Variants in SAMD5 observed in about 807,000 individuals in gnomAD.
The protein encoded by SAMD5 is sterile alpha motif domain-containing protein 5.
A neutral mutation model predicts 11.3 loss-of-function variants in SAMD5; 13 were observed. That is an observed-to-expected ratio of 1.15 (90% confidence interval 0.75 to 1.83). The LOEUF (loss-of-function observed/expected upper bound fraction) is 1.83, where lower values mean the gene tolerates loss of function less well. Among genes scored for constraint, SAMD5 ranks in the 40% most tolerant of loss-of-function variants. The pLI, the probability that SAMD5 is intolerant of heterozygous loss-of-function variation, is 0.00. For missense variants in SAMD5, 255 were observed against 239.1 expected (o/e 1.07, Z -0.44); for synonymous variants, 129 against 111.3 (o/e 1.16, Z -1.00).
chr6:147,831,173 A>G, the SAMD5 span, among the ~76,000 whole-genome samples: 1 of 152,226 alleles, frequency 6.6e-6, no homozygotes, highest in Non-Finnish European at 1.5e-5. Context: ...GGTGAATGCA[A>G]ATTGTTTTTA....
At chr6:147,898,264 T>C in the SAMD5 span, among the ~76,000 whole-genome samples, 3 of 152,070 alleles carry the variant, frequency 2.0e-5, no homozygotes, top group African/African-American at 4.8e-5. Flanking sequence ...ATGCATCTAC[T>C]CCCTTTAAAA....
intron 1 of SAMD5, among the ~76,000 whole-genome samples, chr6:147,642,909 C>G (rs844583): frequency 0.061 from 9,308 of 152,272 alleles, 415 homozygotes; most frequent in African/African-American, 0.13. Context: ...TGGCTGCCAT[C>G]TGCACTGTTG....
In SAMD5 at chr6:147,566,215, A is replaced by C; in HGVS notation, c.*1759A>C. 2.0e-6 allele frequency: 2 copies of C among 976,664 alleles called. No homozygotes were observed. Among genetic ancestry groups the C allele is most frequent in the Non-Finnish European group, 2.4e-6 (2 of 821,948 alleles). The allele number at this position is 976,664 out of a possible 1,614,324, so 60.5% of individuals were successfully genotyped here. ...TGTAAGGAAGTTAAATTTTAAAAGC[A>C]TGTATAGGTTGTCCTTAAATTATAC... On this transcript the variant is annotated 3_prime_UTR_variant, in exon 2 of 2. Transcript: ENST00000367474.
chr6:147,555,436 T>C (rs1788839925), intron 1 of SAMD5, among the ~76,000 whole-genome samples: 1 of 152,254 alleles, frequency 6.6e-6, no homozygotes, highest in Admixed American at 6.5e-5. Flanking sequence ...CTGTTGCTAA[T>C]GATGAAATTT....
chr6:147,581,763 GA>G (rs1562326122), intron 1 of SAMD5, among the ~76,000 whole-genome samples: 1 of 152,162 alleles, frequency 6.6e-6, no homozygotes, highest in Admixed American at 6.5e-5. Context: ...GGAAGGTGAG[GA>G]AACAAAGATA....
the SAMD5 span, among the ~76,000 whole-genome samples, chr6:147,779,698 A>G: frequency 6.6e-6 from 1 of 152,202 alleles, no homozygotes; most frequent in Non-Finnish European, 1.5e-5. Context: ...CAAGACAATT[A>G]CACTATCTCT....
At chr6:147,912,375 T>C in the SAMD5 span, among the ~76,000 whole-genome samples, 1 of 152,194 alleles carries the variant, frequency 6.6e-6, no homozygotes, top group African/African-American at 2.4e-5. Context: ...GTCCCCTCAA[T>C]TTATAAATGA....
chr6:147,640,354 G>C (rs887140822), intron 1 of SAMD5, among the ~76,000 whole-genome samples: 3 of 150,804 alleles, frequency 2.0e-5, no homozygotes, highest in Non-Finnish European at 4.4e-5. Context: ...AAAAATTGCC[G>C]GGTGTGGTGG....
intron 1 of SAMD5, among the ~76,000 whole-genome samples, chr6:147,645,171 T>A (rs1790379422): frequency 6.6e-6 from 1 of 152,126 alleles, no homozygotes; most frequent in Non-Finnish European, 1.5e-5. Context: ...CGACAGGACA[T>A]CTTACTGATT....
At chr6:147,654,855 A>G (rs1159002161) in intron 1 of SAMD5, among the ~76,000 whole-genome samples, 2 of 151,984 alleles carry the variant, frequency 1.3e-5, no homozygotes, top group Admixed American at 6.6e-5. Flanking sequence ...GCTTGTTGTC[A>G]GTTTGCCCTC....
At chr6:147,715,076 T>C (rs777931192) in intron 1 of SAMD5, among the ~76,000 whole-genome samples, 5 of 152,246 alleles carry the variant, frequency 3.3e-5, no homozygotes, top group African/African-American at 4.8e-5. Context: ...TTACACTCTT[T>C]CCTGCAGTGG....
chr6:147,714,321 A>G (rs529674884), intron 1 of SAMD5, among the ~76,000 whole-genome samples: 2 of 152,284 alleles, frequency 1.3e-5, no homozygotes, highest in African/African-American at 4.8e-5. Flanking sequence ...TCTTAAGTCT[A>G]TGGTCTGGCA....
chr6:147,901,420 G>A, the SAMD5 span, among the ~76,000 whole-genome samples: 3 of 139,136 alleles, frequency 2.2e-5, no homozygotes, highest in African/African-American at 8.8e-5. Context: ...TGACAATTTG[G>A]TATGGTTACA....
At chr6:147,595,358 A>T (rs2128447564) in intron 1 of SAMD5, among the ~76,000 whole-genome samples, 1 of 152,232 alleles carries the variant, frequency 6.6e-6, no homozygotes, top group Non-Finnish European at 1.5e-5. Flanking sequence ...TTAGTTTGAA[A>T]CTTAGAATAA....
chr6:147,587,333 G>A, intron 1 of SAMD5, among the ~76,000 whole-genome samples: 1 of 152,084 alleles, frequency 6.6e-6, no homozygotes, highest in South Asian at 2.1e-4. Flanking sequence ...TGTCTCCCAG[G>A]TTCAAGTGGT....
the SAMD5 span, among the ~76,000 whole-genome samples, chr6:147,917,626 C>T: frequency 6.6e-6 from 1 of 152,044 alleles, no homozygotes; most frequent in African/African-American, 2.4e-5. Flanking sequence ...ACATGAAGAC[C>T]TTGCCCATGC....
At chr6:147,655,675 C>T (rs1439999748) in intron 1 of SAMD5, among the ~76,000 whole-genome samples, 3 of 152,110 alleles carry the variant, frequency 2.0e-5, no homozygotes, top group Non-Finnish European at 4.4e-5. Flanking sequence ...AGAATTTCCA[C>T]GTTAAGTAAA....
chr6:147,795,262 G>A, the SAMD5 span, among the ~76,000 whole-genome samples: 1,058 of 135,614 alleles, frequency 7.8e-3, 11 homozygotes, highest in African/African-American at 0.028. Context: ...TCCCCTTCCC[G>A]TGTCCATGTG....
chr6:147,912,695 A>G, the SAMD5 span, among the ~76,000 whole-genome samples: 1 of 152,214 alleles, frequency 6.6e-6, no homozygotes, highest in African/African-American at 2.4e-5. Flanking sequence ...AGAGTGATTG[A>G]ATGGCCTATG....
Sources: gnomAD v4.1 joint callset for allele counts (sites outside exome capture counted in the v4.1 genomes callset) on GRCh38, gnomAD v4.1.1 for gene constraint, MANE v1.5 for transcripts, NCBI Gene and HGNC (gene_info 2026-07-23, HGNC 2026-07-21) for gene names.